ARMH3: variants seen among roughly 807,000 people sequenced by gnomAD.
The protein encoded by ARMH3 is armadillo-like helical domain-containing protein 3.
ARMH3 carries 60 observed loss-of-function variants against 99.1 expected under a neutral mutation model. The observed-to-expected ratio is 0.61, with a 90% confidence interval of 0.49 to 0.75. ARMH3 has a LOEUF of 0.75. Among genes scored for constraint, ARMH3 ranks in the 30% least tolerant of loss-of-function variants. The probability of loss-of-function intolerance (pLI) is 0.00; values close to 1 mark genes in which losing one functional copy is unlikely to be tolerated. For synonymous variants in ARMH3, 285 were observed against 292.8 expected (o/e 0.97, Z 0.27); for missense variants, 679 against 843.1 (o/e 0.81, Z 2.41).
At chr10:101,976,383 A>ATCTC (rs542700143) in intron 19 of ARMH3, among the ~76,000 whole-genome samples, 1,691 of 131,348 alleles carry the variant, frequency 0.013, 17 homozygotes, top group African/African-American at 0.036. Context: ...AGATTAATCA[A>ATCTC]TCTCTCTCTC....
At chr10:101,876,360 T>C (rs1263380738) in intron 24 of ARMH3, among the ~76,000 whole-genome samples, 1 of 152,104 alleles carries the variant, frequency 6.6e-6, no homozygotes, top group East Asian at 1.9e-4. Context: ...CTGAAATTTC[T>C]TTTCTTGGAA....
chr10:101,928,807 T>A (rs956317328), intron 23 of ARMH3, among the ~76,000 whole-genome samples: 1 of 152,206 alleles, frequency 6.6e-6, no homozygotes, highest in Non-Finnish European at 1.5e-5. Context: ...CTCGGCTCAC[T>A]GCAACCTCCA....
chr10:101,959,452 G>GT (rs1374749650), intron 20 of ARMH3, among the ~76,000 whole-genome samples: 1 of 152,174 alleles, frequency 6.6e-6, no homozygotes, highest in Non-Finnish European at 1.5e-5. Context: ...TCTGCAAAAC[G>GT]TAATGGCTAG....
At chr10:101,925,910 C>CA (rs1393421874) in intron 23 of ARMH3, among the ~76,000 whole-genome samples, 9 of 151,528 alleles carry the variant, frequency 5.9e-5, no homozygotes, top group East Asian at 1.9e-4. Flanking sequence ...GACTCCCTCT[C>CA]AAAAAAAATA....
intron 23 of ARMH3, among the ~76,000 whole-genome samples, chr10:101,903,958 T>G (rs895509886): frequency 1.8e-4 from 27 of 152,228 alleles, no homozygotes; most frequent in Non-Finnish European, 1.5e-5. Flanking sequence ...AGCAGTTTTC[T>G]AAGTTGGAGG....
intron 22 of ARMH3, among the ~76,000 whole-genome samples, chr10:101,940,709 T>G (rs1762050866): frequency 6.6e-6 from 1 of 152,210 alleles, no homozygotes; most frequent in African/African-American, 2.4e-5. Flanking sequence ...AACCTTTTTT[T>G]GCTCCTCTGA....
At chr10:101,899,817 T>C (rs1383701894) in intron 23 of ARMH3, among the ~76,000 whole-genome samples, 1 of 152,218 alleles carries the variant, frequency 6.6e-6, no homozygotes, top group Non-Finnish European at 1.5e-5. Context: ...CTACTGTCCC[T>C]GTGGCCATTC....
chr10:101,975,048 G>GT (rs1283532773), intron 20 of ARMH3, among the ~76,000 whole-genome samples, 164 bp downstream of exon 20: 3 of 15,462 alleles, frequency 1.9e-4, no homozygotes, highest in African/African-American at 4.4e-4. Flanking sequence ...AAGCTAAAAC[G>GT]TAAAAAAAAA....
At chr10:102,030,776 TTTGTC>T (rs908764894) in intron 4 of ARMH3, among the ~76,000 whole-genome samples, 3 of 151,848 alleles carry the variant, frequency 2.0e-5, no homozygotes, top group African/African-American at 7.3e-5. Flanking sequence ...TTTGTTTTGT[TTTGTC>T]TTGTTTTTGT....
chr10:101,921,624 T>C (rs556039506), intron 23 of ARMH3, among the ~76,000 whole-genome samples: 6 of 152,294 alleles, frequency 3.9e-5, no homozygotes, highest in East Asian at 1.9e-4. Context: ...ATGTGGTATA[T>C]ACACATGATG....
chr10:102,010,040 G>A lies in ARMH3; in HGVS notation c.832-17C>T. On this transcript the variant is annotated splice_polypyrimidine_tract_variant and intron_variant, in intron 11 of 25. Transcript: ENST00000370033. ...GCTGCCCACCTGTGGAAGAAAAGGG[G>A]AATTGCAAACTTATAGCAGGAGGAT... The A allele has an allele frequency of 4.3e-6, 7 of 1,612,930 alleles. No individual in the cohort carries two copies. The highest frequency in any genetic ancestry group is 5.9e-6 in the Non-Finnish European group (7 of 1,179,082).
rs779080153 is a variant in ARMH3, at chr10:101,847,498, C to T, written c.*30G>A. 6.2e-7 allele frequency: 1 copy of T among 1,601,198 alleles called. No homozygotes were observed. On this transcript the variant is annotated 3_prime_UTR_variant, in exon 26 of 26. Coordinates refer to ENST00000370033, the MANE Select transcript of ARMH3 (RefSeq NM_024541.3). ...AGCCCATGATCCTCATGGGTAAGGG[C>T]AGTCAGAGGCTGCTCAGGTAGGCGT...
intron 8 of ARMH3, among the ~76,000 whole-genome samples, chr10:102,015,732 G>A (rs909668106): frequency 6.6e-6 from 1 of 152,140 alleles, no homozygotes; most frequent in Non-Finnish European, 1.5e-5. Flanking sequence ...CCAAGCAAAC[G>A]TTTGCATTCT....
chr10:102,014,155 C>G, intron 8 of ARMH3, 131 bp from the exon 9 acceptor site: 1 of 649,668 alleles, frequency 1.5e-6, no homozygotes, highest in Non-Finnish European at 2.7e-6. Flanking sequence ...ATACACAGTC[C>G]CAATCCATAT....
intron 20 of ARMH3, among the ~76,000 whole-genome samples, chr10:101,963,879 T>TTTC (rs1167058280): frequency 1.6e-4 from 21 of 132,352 alleles, no homozygotes; most frequent in African/African-American, 6.2e-4. Flanking sequence ...TTTTTCTTTC[T>TTTC]TTTTTTTTTT....
chr10:101,870,066 A>C (rs2067099309), intron 24 of ARMH3, among the ~76,000 whole-genome samples: 1 of 152,154 alleles, frequency 6.6e-6, no homozygotes, highest in Non-Finnish European at 1.5e-5. Context: ...ACAGAAAACC[A>C]ATGAAACTAA....
chr10:101,997,546 C>T (rs1228254006), intron 15 of ARMH3, among the ~76,000 whole-genome samples: 3 of 150,612 alleles, frequency 2.0e-5, no homozygotes, highest in African/African-American at 7.4e-5. Flanking sequence ...GAGCTGAGAT[C>T]GTGCCACTGC....
chr10:101,863,548 T>TA (rs2066921134), intron 24 of ARMH3, among the ~76,000 whole-genome samples: 1 of 152,170 alleles, frequency 6.6e-6, no homozygotes, highest in South Asian at 2.1e-4. Flanking sequence ...TATGCAAATT[T>TA]AAAAATATAC....
chr10:101,915,795 A>T (rs1590016420), intron 23 of ARMH3, among the ~76,000 whole-genome samples: 1 of 149,088 alleles, frequency 6.7e-6, no homozygotes, highest in South Asian at 2.1e-4. Context: ...GCACTATTGC[A>T]AGTCCTTTTT....
Sources: gnomAD v4.1 joint callset for allele counts (sites outside exome capture counted in the v4.1 genomes callset) on GRCh38, gnomAD v4.1.1 for gene constraint, MANE v1.5 for transcripts, NCBI Gene and HGNC (gene_info 2026-07-23, HGNC 2026-07-21) for gene names.